Variants in CTPS2 observed in about 807,000 individuals in gnomAD.
The protein encoded by CTPS2 is CTP synthase 2, also known as CTP synthase II.
In CTPS2, 19 loss-of-function variants were observed where a neutral mutation model predicts 46.8. That is an observed-to-expected ratio of 0.41 (90% CI 0.28 to 0.60). CTPS2 has a LOEUF of 0.60. Ranked by LOEUF, CTPS2 falls within the 20% of genes least tolerant of loss-of-function variation. CTPS2 has a pLI of 0.35. For missense variants in CTPS2, 286 were observed against 447.6 expected, an observed-to-expected ratio of 0.64 and a Z score of 3.26; for synonymous variants, 151 against 165.2, an observed-to-expected ratio of 0.91 and a Z score of 0.66.
At chrX:16,641,934 A>T (rs1327529520) in intron 13 of CTPS2, among the ~76,000 whole-genome samples, 1 of 111,635 alleles carries the variant, frequency 9.0e-6, no homozygotes, top group African/African-American at 3.3e-5. Flanking sequence ...AAGCGGGAGA[A>T]GTCTAAAAAG....
intron 10 of CTPS2, among the ~76,000 whole-genome samples, chrX:16,671,505 CTTTTTTTTTT>C (rs11323776): frequency 1.5e-4 from 7 of 48,061 alleles, no homozygotes; most frequent in Admixed American, 8.4e-4. Context: ...TAACATTTTT[CTTTTTTTTTT>C]TTTTTTTTTT....
At chrX:16,708,307 A>G (rs1013620001) in intron 1 of CTPS2, among the ~76,000 whole-genome samples, 2 of 111,347 alleles carry the variant, frequency 1.8e-5, no homozygotes, top group African/African-American at 6.5e-5. Flanking sequence ...CAAAATATAC[A>G]TGTTCCATCC....
intron 13 of CTPS2, among the ~76,000 whole-genome samples, chrX:16,639,777 AAAAGAAAGAAAGAAAG>A (rs10682704): frequency 0.027 from 1,928 of 72,655 alleles, 39 homozygotes; most frequent in African/African-American, 0.058. Flanking sequence ...AAAGGAAAAG[AAAAGAAAGAAAGAAAG>A]AAAGAAAGAA....
At position 16,591,834 on chromosome X, in the gene CTPS2, C is replaced by T. The variant is rs776667555; in HGVS notation, c.1692-972G>A. Among the ~76,000 whole-genome samples, 3 of 110,862 alleles carry T rather than the reference C, an allele frequency of 2.7e-5. No individual in the cohort carries two copies. The East Asian group carries it at 8.5e-4, about 32-fold the overall frequency. ...CCCATACCCAGAGGAAACGAGTATC[C>T]TTATCTCTGAAGACACAGGATCCCA... On this transcript the variant is annotated intron_variant, in intron 17 of 18. Coordinates refer to ENST00000359276, the MANE Select transcript of CTPS2 (RefSeq NM_175859.3).
intron 13 of CTPS2, among the ~76,000 whole-genome samples, chrX:16,657,667 A>G (rs774656733): frequency 1.8e-5 from 2 of 112,006 alleles, no homozygotes; most frequent in Non-Finnish European, 3.8e-5. Context: ...GTGTCCTATC[A>G]AAAAGAATAA....
chrX:16,681,507 G>A (rs1271171605), intron 9 of CTPS2, among the ~76,000 whole-genome samples: 3 of 111,503 alleles, frequency 2.7e-5, no homozygotes, highest in Non-Finnish European at 5.7e-5. Flanking sequence ...TCAGGGAGGA[G>A]GAATCTGCTT....
At chrX:16,592,502 T>G (rs768607171) in intron 17 of CTPS2, among the ~76,000 whole-genome samples, 1 of 111,809 alleles carries the variant, frequency 8.9e-6, no homozygotes, top group South Asian at 3.8e-4. Flanking sequence ...GATCCAGATC[T>G]GTGCTGGCCT....
At chrX:16,617,823 G>A (rs192846064) in intron 15 of CTPS2, among the ~76,000 whole-genome samples, 2 of 111,748 alleles carry the variant, frequency 1.8e-5, no homozygotes, top group East Asian at 5.6e-4. Flanking sequence ...CTCTCCTTCA[G>A]TGAAAGTGCT....
rs961088419 is a variant in CTPS2 at position 16,698,906 on chromosome X, T to G, written c.337+17A>C. 2.5e-6 allele frequency: 3 copies of G among 1,180,263 alleles called. No individual in the cohort carries two copies. Among genetic ancestry groups the G allele is most frequent in the Non-Finnish European group, 2.3e-6 (2 of 878,454 alleles). On this transcript the variant is annotated intron_variant, in intron 3 of 18. Transcript: ENST00000359276. ...ATTCAGCACACAGGGCTCCATAATG[T>G]CTGTGGAATATAATACCTTGCACTG...
chrX:16,621,520 C>A (rs1309863493), intron 14 of CTPS2, among the ~76,000 whole-genome samples: 3 of 109,287 alleles, frequency 2.7e-5, no homozygotes, highest in Non-Finnish European at 5.7e-5. Flanking sequence ...CAGGATGGTC[C>A]AGGGACCAAG....
intron 13 of CTPS2, among the ~76,000 whole-genome samples, chrX:16,666,404 G>A (rs1214712952): frequency 8.9e-6 from 1 of 111,800 alleles, no homozygotes; most frequent in Admixed American, 9.5e-5. Context: ...CAGGGGGAGA[G>A]GGATTTTAGG....
intron 14 of CTPS2, among the ~76,000 whole-genome samples, chrX:16,622,137 G>T (rs1357119959): frequency 9.0e-6 from 1 of 110,820 alleles, no homozygotes; most frequent in East Asian, 2.8e-4. Flanking sequence ...GGGCGCGGTG[G>T]CTCACACCTG....
intron 17 of CTPS2, among the ~76,000 whole-genome samples, chrX:16,607,679 G>T (rs1162823258): frequency 1.8e-5 from 2 of 112,939 alleles, no homozygotes; most frequent in Non-Finnish European, 3.7e-5. Context: ...AAGCACACAC[G>T]TGCACACCAC....
At chrX:16,616,779 C>A (rs902298158) in intron 16 of CTPS2, among the ~76,000 whole-genome samples, 17 of 111,837 alleles carry the variant, frequency 1.5e-4, no homozygotes, top group African/African-American at 4.9e-4. Context: ...ACTGCAACCT[C>A]CACATCCTGG....
chrX:16,620,153 G>T (rs1930744203), intron 15 of CTPS2, 124 bp downstream of exon 15: 29 of 430,489 alleles, frequency 6.7e-5, no homozygotes, highest in Non-Finnish European at 9.4e-5. Flanking sequence ...TGGGAAATTT[G>T]GTCCTCTCTG....
chrX:16,627,537 T>C (rs752097694), intron 14 of CTPS2, among the ~76,000 whole-genome samples: 1 of 111,958 alleles, frequency 8.9e-6, no homozygotes, highest in South Asian at 3.7e-4. Context: ...GTCACTTCTT[T>C]GATGGGGCAC....
At chrX:16,693,334 C>G in intron 5 of CTPS2, 37 bp downstream of exon 5, 3 of 1,093,608 alleles carry the variant, frequency 2.7e-6, no homozygotes, top group Non-Finnish European at 3.8e-6. Context: ...GAAAACTTAT[C>G]AAAGTTGCTG....
At chrX:16,618,004 C>T (rs1930621523) in intron 15 of CTPS2, among the ~76,000 whole-genome samples, 1 of 111,950 alleles carries the variant, frequency 8.9e-6, no homozygotes, top group Non-Finnish European at 1.9e-5. Flanking sequence ...TTGAAATACA[C>T]AAATGATTTT....
At chrX:16,596,353 C>T (rs988392469) in intron 17 of CTPS2, among the ~76,000 whole-genome samples, 4 of 102,003 alleles carry the variant, frequency 3.9e-5, no homozygotes, top group African/African-American at 1.4e-4. Flanking sequence ...CCCCCTAACC[C>T]ACAACAGTCC....
Sources: allele counts gnomAD v4.1 joint callset (sites outside exome capture counted in the v4.1 genomes callset), GRCh38; gene constraint gnomAD v4.1.1; transcripts MANE v1.5; gene names NCBI Gene and HGNC (gene_info 2026-07-23, HGNC 2026-07-21).